SAMD12: variants seen among roughly 807,000 people sequenced by gnomAD.
The protein encoded by SAMD12 is sterile alpha motif domain containing 12, also known as sterile alpha motif domain-containing protein 12.
A neutral mutation model predicts 15.0 loss-of-function variants in SAMD12; 9 were observed. The ratio of observed to expected loss-of-function variants is 0.60; its 90% CI spans 0.36 to 1.05. The LOEUF is 1.05. Among genes scored for constraint, SAMD12 ranks in the 50% least tolerant of loss-of-function variants. SAMD12 has a pLI of 0.01. For missense variants in SAMD12, 230 were observed against 234.2 expected (o/e 0.98, Z 0.12); for synonymous variants, 86 against 90.1 (o/e 0.96, Z 0.25).
intron 4 of SAMD12, among the ~76,000 whole-genome samples, chr8:118,220,903 C>T (rs1326160394): frequency 6.6e-6 from 1 of 152,070 alleles, no homozygotes; most frequent in Non-Finnish European, 1.5e-5. Context: ...GTGCCAACTG[C>T]CTGAGAGATC....
At chr8:118,447,084 CAT>C (rs560397585) in intron 2 of SAMD12, among the ~76,000 whole-genome samples, 13 of 152,240 alleles carry the variant, frequency 8.5e-5, no homozygotes, top group Admixed American at 2.6e-4. Flanking sequence ...CTGGATTTTT[CAT>C]AGACTTTCGT....
the SAMD12 span, among the ~76,000 whole-genome samples, chr8:118,174,324 C>T: frequency 6.6e-6 from 1 of 152,176 alleles, no homozygotes; most frequent in Admixed American, 6.5e-5. Flanking sequence ...TGTGAGGACA[C>T]TCAGTTCAGA....
intron 3 of SAMD12, among the ~76,000 whole-genome samples, chr8:118,427,982 A>G (rs1459111282): frequency 1.3e-5 from 2 of 152,178 alleles, no homozygotes; most frequent in Admixed American, 1.3e-4. Flanking sequence ...CTGGGTGTAA[A>G]GTATTATTTC....
At chr8:118,189,763 G>C (rs943025843) in exon 5 of SAMD12, 2 of 151,908 alleles carry the variant, frequency 1.3e-5, no homozygotes, top group Non-Finnish European at 2.9e-5. Context: ...GGAAATCGGT[G>C]GTTCAAAATT....
chr8:118,408,921 C>T (rs950677111), intron 3 of SAMD12, among the ~76,000 whole-genome samples: 41 of 152,032 alleles, frequency 2.7e-4, no homozygotes, highest in African/African-American at 9.9e-4. Flanking sequence ...TTGTTTGAGA[C>T]AGAGTCCCAC....
intron 4 of SAMD12, among the ~76,000 whole-genome samples, chr8:118,281,473 T>C (rs1813647159): frequency 6.6e-6 from 1 of 152,246 alleles, no homozygotes; most frequent in African/African-American, 2.4e-5. Flanking sequence ...AGAACAGGTA[T>C]ACAATCAATA....
intron 2 of SAMD12, among the ~76,000 whole-genome samples, chr8:118,498,381 ATATTT>A (rs201704481): frequency 6.6e-6 from 1 of 152,254 alleles, no homozygotes; most frequent in South Asian, 2.1e-4. Context: ...ATACACGAAT[ATATTT>A]TATTTAAGAT....
intron 4 of SAMD12, among the ~76,000 whole-genome samples, chr8:118,236,407 G>A (rs1812431834): frequency 6.6e-6 from 1 of 152,164 alleles, no homozygotes; most frequent in Admixed American, 6.5e-5. Flanking sequence ...CCGTGAAAGA[G>A]TGGCACTCAC....
intron 3 of SAMD12, among the ~76,000 whole-genome samples, chr8:118,410,184 C>A (rs888965450): frequency 6.6e-6 from 1 of 151,992 alleles, no homozygotes; most frequent in African/African-American, 2.4e-5. Context: ...GGTACATGTT[C>A]AAAACTGTTT....
At chr8:118,163,823 C>T in the SAMD12 span, among the ~76,000 whole-genome samples, 1 of 151,858 alleles carries the variant, frequency 6.6e-6, no homozygotes, top group Admixed American at 6.6e-5. Context: ...TGCAGTGAGC[C>T]GAGATCGCGC....
At chr8:118,424,651 T>C (rs897393697) in intron 3 of SAMD12, among the ~76,000 whole-genome samples, 1 of 152,166 alleles carries the variant, frequency 6.6e-6, no homozygotes, top group Non-Finnish European at 1.5e-5. Context: ...AAACGTAGTG[T>C]CCTAAAAGGA....
At chr8:118,175,881 T>G in the SAMD12 span, among the ~76,000 whole-genome samples, 3 of 152,356 alleles carry the variant, frequency 2.0e-5, no homozygotes, top group Non-Finnish European at 4.4e-5. Context: ...TTGTATACAC[T>G]GTTGATGGGA....
the SAMD12 span, among the ~76,000 whole-genome samples, chr8:118,162,029 G>A: frequency 6.3e-3 from 954 of 151,450 alleles, 8 homozygotes; most frequent in African/African-American, 0.022. Flanking sequence ...GCATGGTGGC[G>A]CATGCCTGTA....
At chr8:118,268,408 T>G (rs1425052684) in intron 4 of SAMD12, among the ~76,000 whole-genome samples, 1 of 152,202 alleles carries the variant, frequency 6.6e-6, no homozygotes, top group Admixed American at 6.5e-5. Flanking sequence ...ATGACTATTG[T>G]TTTTCTGGGA....
chr8:118,567,691 T>A (rs1294311148), intron 2 of SAMD12, among the ~76,000 whole-genome samples: 1 of 152,228 alleles, frequency 6.6e-6, no homozygotes, highest in East Asian at 1.9e-4. Context: ...TCAACTATAT[T>A]TGTGGCAACC....
At chr8:118,190,846 T>A (rs1158042870) in exon 5 of SAMD12, 1 of 152,150 alleles carries the variant, frequency 6.6e-6, no homozygotes, top group Non-Finnish European at 1.5e-5. Flanking sequence ...CATTCTTGAA[T>A]TCAAAACATT....
At chr8:118,552,376 T>C (rs1028034578) in intron 2 of SAMD12, among the ~76,000 whole-genome samples, 16 of 151,998 alleles carry the variant, frequency 1.1e-4, no homozygotes, top group Middle Eastern at 3.2e-3. Context: ...GTTCAATATA[T>C]GCAAATCAAT....
chr8:118,324,706 T>C (rs575606642), intron 4 of SAMD12, among the ~76,000 whole-genome samples: 5 of 152,166 alleles, frequency 3.3e-5, no homozygotes, highest in South Asian at 2.1e-4. Context: ...AGAAAGAAGA[T>C]TGCCCAGTCG....
intron 4 of SAMD12, among the ~76,000 whole-genome samples, chr8:118,357,014 C>T (rs1818261852): frequency 6.6e-6 from 1 of 152,172 alleles, no homozygotes; most frequent in South Asian, 2.1e-4. Flanking sequence ...ACTATCTGAC[C>T]TCCTTGGTTT....
Sources: gnomAD v4.1 joint callset for allele counts (sites outside exome capture counted in the v4.1 genomes callset) on GRCh38, gnomAD v4.1.1 for gene constraint, MANE v1.5 for transcripts, NCBI Gene and HGNC (gene_info 2026-07-23, HGNC 2026-07-21) for gene names.